TDRD7: variants seen among roughly 807,000 people sequenced by gnomAD.
TDRD7 encodes tudor domain-containing protein 7.
TDRD7 carries 47 observed loss-of-function variants against 109.8 expected under a neutral mutation model. That is an observed-to-expected ratio of 0.43 (90% CI 0.34 to 0.55). The LOEUF is 0.55. Ranked by LOEUF, TDRD7 falls within the 20% of genes least tolerant of loss-of-function variation. The pLI is 0.03. For missense variants in TDRD7, 1,164 were observed against 1,319.2 expected (o/e 0.88, Z 1.82); for synonymous variants, 424 against 457.3 (o/e 0.93, Z 0.93).
At chr9:97,442,126 T>C (rs1217029632) in intron 6 of TDRD7, among the ~76,000 whole-genome samples, 1 of 152,196 alleles carries the variant, frequency 6.6e-6, no homozygotes, top group East Asian at 1.9e-4. Context: ...AAAATGCATT[T>C]AATATGTGAT....
In TDRD7 at chr9:97,418,047, C is replaced by T. The variant is rs140542393; in HGVS notation, c.-7+5809C>T. On this transcript the variant is annotated intron_variant, in intron 1 of 16. Coordinates refer to ENST00000355295, the MANE Select transcript of TDRD7 (RefSeq NM_014290.3). ...GGCTGAGGCAGGAGAATTGCTTCAA[C>T]CTAGGAGGCAGAGGTTGCAGTGAGC... Among the ~76,000 whole-genome samples the T allele has an allele frequency of 3.9e-3, 590 of 152,216 alleles. 2 individuals carry two copies. The highest frequency in any genetic ancestry group is 0.012 in the African/African-American group (492 of 41,554).
Position 97,432,011 on chromosome 9 carries a change from G to A in TDRD7, c.350-14G>A. On this transcript the variant is annotated splice_polypyrimidine_tract_variant and intron_variant, in intron 3 of 16. Coordinates refer to ENST00000355295, the MANE Select transcript of TDRD7 (RefSeq NM_014290.3). ...GATGCTAATTGATTTCGTTATGTAT[G>A]CCTAACTTCATAGGAAAACCAAAAG... 6.2e-7 allele frequency: 1 copy of A among 1,612,772 alleles called. No individual in the cohort carries two copies. The highest frequency in any genetic ancestry group is 8.5e-7 in the Non-Finnish European group (1 of 1,178,924).
At chr9:97,421,821 A>G (rs1827905734) in intron 1 of TDRD7, among the ~76,000 whole-genome samples, 1 of 151,862 alleles carries the variant, frequency 6.6e-6, no homozygotes, top group Non-Finnish European at 1.5e-5. Context: ...TTGGTCTCCC[A>G]AAGTGCTGAA....
chr9:97,428,719 T>C (rs1208723029), intron 2 of TDRD7, 47 bp downstream of exon 2: 3 of 1,571,676 alleles, frequency 1.9e-6, no homozygotes, highest in Non-Finnish European at 2.6e-6. Context: ...CAATTCATAA[T>C]TGCCTCTCTG....
At position 97,478,538 on chromosome 9, in the gene TDRD7, C is replaced by T. The variant is rs373541786; in HGVS notation, c.2266C>T (p.Arg756Trp). The T allele has an allele frequency of 6.7e-5, 108 of 1,613,892 alleles. No individual in the cohort carries two copies. The highest frequency in any genetic ancestry group is 7.7e-5 in the Non-Finnish European group (91 of 1,179,982). The change falls in exon 13 of 17, where the codon CGG (arginine) becomes TGG (tryptophan). Residue 756 changes from arginine (R) to tryptophan (W), a missense_variant. Around this residue, in one of 5 missense-constraint regions of TDRD7, gnomAD observed 233 missense variants for 218.0 expected, o/e 1.07. Transcript: ENST00000355295. ...GTCAGAGCTCAGGGAAATTCCACCT[C>T]GGTTTCTACAAGAAATGATTGCAAT... Reference protein sequence around the residue: ...KVSELREIPPRFLQEMIAIPP... With the variant: ...KVSELREIPPWFLQEMIAIPP...
chr9:97,448,309 G>C (rs898004488), intron 6 of TDRD7, among the ~76,000 whole-genome samples: 1 of 152,216 alleles, frequency 6.6e-6, no homozygotes, highest in Admixed American at 6.5e-5. Flanking sequence ...CCTGCATACA[G>C]GGTACACCAC....
chr9:97,416,107 A>G (rs1048028476), intron 1 of TDRD7, among the ~76,000 whole-genome samples: 4 of 152,222 alleles, frequency 2.6e-5, no homozygotes, highest in African/African-American at 9.6e-5. Flanking sequence ...TACTGCATTT[A>G]ACTGCTTCTC....
At position 97,464,981 on chromosome 9, in the gene TDRD7, G is replaced by A. The variant is rs1003577893; in HGVS notation, c.1582G>A (p.Ala528Thr). The change falls in exon 8 of 17, where the codon GCC becomes ACC. Residue 528 changes from alanine to threonine, a missense_variant. Ala to Thr is a moderately conservative substitution (Grantham distance 58). Coordinates refer to ENST00000355295, the MANE Select transcript of TDRD7 (RefSeq NM_014290.3). ...GCTGGCCGTAAATGCCGAGGAGGAC[G>A]CCTGGTTACGGGCACAGGTCATCTC... ...QLLAVNAEEDAWLRAQVISTE... is the reference protein window; with the variant it reads ...QLLAVNAEEDTWLRAQVISTE... 8 of 1,613,958 alleles carry A rather than the reference G, an allele frequency of 5.0e-6. No individual in the cohort carries two copies. In the South Asian group the frequency reaches 5.5e-5, roughly 11 times the overall value.
At chr9:97,494,714 T>A (rs868696824) in intron 16 of TDRD7, among the ~76,000 whole-genome samples, 3,551 of 72,290 alleles carry the variant, frequency 0.049, 40 homozygotes, top group South Asian at 0.071. Context: ...ATATATATAT[T>A]TTTTTTTTTT....
chr9:97,447,495 T>C (rs928730726), intron 6 of TDRD7, among the ~76,000 whole-genome samples: 26 of 152,132 alleles, frequency 1.7e-4, no homozygotes, highest in African/African-American at 6.3e-4. Flanking sequence ...AACCCACTGC[T>C]CAACCAGGGA....
chr9:97,495,853 G>A lies in TDRD7; in HGVS notation c.3267G>A (p.Glu1089=), dbSNP rs759451437. 6.2e-6 allele frequency: 10 copies of A among 1,614,032 alleles called. No individual in the cohort carries two copies. The highest frequency in any genetic ancestry group is 8.5e-6 in the Non-Finnish European group (10 of 1,180,002). The change falls in exon 17 of 17, where the codon GAG becomes GAA. Residue 1089 remains glutamate (E), a synonymous_variant. Transcript: ENST00000355295. Reference sequence around the variant, plus strand: ...CCTGGATTCATGATTTTATGTCAGAGTATCTGATAGAGCTTTCAAAAGTTA... The same window carrying A: ...CCTGGATTCATGATTTTATGTCAGAATATCTGATAGAGCTTTCAAAAGTTA... ...TDTWIHDFMS[E]YLIELSKVN
At chr9:97,428,869 T>C (rs543648868) in intron 2 of TDRD7, among the ~76,000 whole-genome samples, 197 bp downstream of exon 2, 5 of 152,338 alleles carry the variant, frequency 3.3e-5, no homozygotes, top group Non-Finnish European at 4.4e-5. Flanking sequence ...CAAATTCTTT[T>C]CATTGTAAAA....
chr9:97,455,965 C>T (rs1327264440), intron 6 of TDRD7, among the ~76,000 whole-genome samples: 3 of 152,190 alleles, frequency 2.0e-5, no homozygotes, highest in Non-Finnish European at 4.4e-5. Flanking sequence ...TGATAAGCAA[C>T]TTCAGCAAAG....
At position 97,490,831 on chromosome 9, in the gene TDRD7, TC is replaced by T. The variant is rs372107565; in HGVS notation, c.3076+3500del. On this transcript the variant is annotated intron_variant, in intron 16 of 16. Transcript: ENST00000355295. Reference sequence around the variant, plus strand: ...GAGATCTTCCCTCAGCCAAGTCTAATCTATTAAGAAGCCCAAGACATTCTTA... The same window carrying T: ...GAGATCTTCCCTCAGCCAAGTCTAATTATTAAGAAGCCCAAGACATTCTTA... 8.3e-4 allele frequency among the ~76,000 whole-genome samples: 126 copies of T among 151,864 alleles called. 1 individual carries two copies. The highest frequency in any genetic ancestry group is 2.6e-3 in the African/African-American group (109 of 41,472).
At chr9:97,428,727 C>T (rs1828049739) in intron 2 of TDRD7, 55 bp downstream of exon 2, 2 of 1,517,832 alleles carry the variant, frequency 1.3e-6, no homozygotes, top group Non-Finnish European at 1.8e-6. Flanking sequence ...AATTGCCTCT[C>T]TGGCACTTCC....
intron 4 of TDRD7, among the ~76,000 whole-genome samples, chr9:97,434,802 A>G (rs577826349): frequency 1.6e-4 from 24 of 152,318 alleles, no homozygotes; most frequent in African/African-American, 5.5e-4. Flanking sequence ...ATGGTTCAAC[A>G]AACTGTACAC....
At chr9:97,417,701 C>G (rs1012172904) in intron 1 of TDRD7, among the ~76,000 whole-genome samples, 3 of 152,222 alleles carry the variant, frequency 2.0e-5, no homozygotes, top group African/African-American at 7.2e-5. Context: ...AAAGGAGGCT[C>G]AGGCATAATC....
At chr9:97,425,932 C>T (rs573409670) in intron 1 of TDRD7, among the ~76,000 whole-genome samples, 1 of 152,212 alleles carries the variant, frequency 6.6e-6, no homozygotes, top group African/African-American at 2.4e-5. Context: ...AGGCTTCAAC[C>T]CTGTTCAGCA....
At chr9:97,433,710 A>G (rs1261147951) in intron 4 of TDRD7, among the ~76,000 whole-genome samples, 1 of 152,202 alleles carries the variant, frequency 6.6e-6, no homozygotes, top group Admixed American at 6.6e-5. Flanking sequence ...ACCTGAACAG[A>G]CATTTCTCAA....
Sources: gnomAD v4.1 joint callset for allele counts (sites outside exome capture counted in the v4.1 genomes callset) on GRCh38, gnomAD v4.1.1 for gene constraint, gnomAD v4.1.1 regional missense constraint, MANE v1.5 for transcripts, NCBI Gene and HGNC (gene_info 2026-07-23, HGNC 2026-07-21) for gene names.